BRAF: variants seen among roughly 807,000 people sequenced by gnomAD.
BRAF encodes serine/threonine-protein kinase B-raf.
In BRAF, 16 loss-of-function variants were observed where a neutral mutation model predicts 104.6. That is an observed-to-expected ratio of 0.15 (90% CI 0.10 to 0.23). The LOEUF is 0.23. Among genes scored for constraint, BRAF ranks in the 10% least tolerant of loss-of-function variants. The pLI is 1.00. For synonymous variants in BRAF, 310 were observed against 341.6 expected, an observed-to-expected ratio of 0.91 and a Z score of 1.02; for missense variants, 541 against 937.3, an observed-to-expected ratio of 0.58 and a Z score of 5.52.
chr7:140,896,949 C>T (rs1814989751), intron 1 of BRAF, among the ~76,000 whole-genome samples: 1 of 150,686 alleles, frequency 6.6e-6, no homozygotes, highest in Non-Finnish European at 1.5e-5. Context: ...TTGGAAAACT[C>T]AGTATCATAA....
intron 1 of BRAF, among the ~76,000 whole-genome samples, chr7:140,884,456 T>TGTGTGTGTGC (rs1813318727): frequency 6.7e-6 from 1 of 148,922 alleles, no homozygotes; most frequent in Non-Finnish European, 1.5e-5. Flanking sequence ...TGTGTGTGTG[T>TGTGTGTGTGC]GTGTGTGTGT....
At chr7:140,843,592 T>C (rs1011727252) in intron 2 of BRAF, among the ~76,000 whole-genome samples, 8 of 152,244 alleles carry the variant, frequency 5.3e-5, no homozygotes, top group Non-Finnish European at 8.8e-5. Context: ...TCTCTGCTTT[T>C]ACTCTGCTTT....
At chr7:140,727,234 A>T (rs992891741) in intron 19 of BRAF, among the ~76,000 whole-genome samples, 2 of 143,664 alleles carry the variant, frequency 1.4e-5, no homozygotes, top group East Asian at 4.1e-4. Flanking sequence ...CCCAGGCTGG[A>T]GTGCAATGGT....
intron 2 of BRAF, among the ~76,000 whole-genome samples, chr7:140,840,200 A>C (rs1001205099): frequency 6.6e-6 from 1 of 152,048 alleles, no homozygotes; most frequent in Non-Finnish European, 1.5e-5. Flanking sequence ...AAGCAACTAA[A>C]CCTGTTTTGG....
Position 140,719,833 on chromosome 7 carries a change from G to C in BRAF, c.*6661C>G. 2 of 1,063,126 alleles carry C rather than the reference G, an allele frequency of 1.9e-6. No individual in the cohort carries two copies. Among genetic ancestry groups the C allele is most frequent in the Non-Finnish European group, 2.3e-6 (2 of 877,888 alleles). 65.9% of individuals were successfully genotyped at this position (1,063,126 alleles called of 1,614,324 possible). A position where few individuals can be genotyped will look rare whatever the true frequency, so the allele number is the denominator to read the frequency against. On this transcript the variant is annotated 3_prime_UTR_variant, in exon 20 of 20. Coordinates refer to ENST00000644969, the MANE Select transcript of BRAF (RefSeq NM_001374258.1). ...TCACTGGGCACGCCCCAGACTCCAC[G>C]AGAACCTTTTCAATGCTTGAGTGGA... is the stretch of plus-strand genomic sequence containing the variant.
intron 1 of BRAF, among the ~76,000 whole-genome samples, chr7:140,910,320 TA>T (rs1429678010): frequency 2.0e-5 from 3 of 152,228 alleles, no homozygotes; most frequent in African/African-American, 4.8e-5. Context: ...TCTACCTACC[TA>T]AATTAAACCT....
chr7:140,831,195 G>T (rs1049420691), intron 3 of BRAF, among the ~76,000 whole-genome samples: 1 of 152,192 alleles, frequency 6.6e-6, no homozygotes, highest in Admixed American at 6.5e-5. Context: ...GAGAACTGGA[G>T]ATTGCTTGGT....
At chr7:140,911,905 T>C (rs965563503) in intron 1 of BRAF, among the ~76,000 whole-genome samples, 23 of 152,232 alleles carry the variant, frequency 1.5e-4, no homozygotes, top group African/African-American at 4.8e-4. Flanking sequence ...ATGACTCATA[T>C]TGAGTGTTTA....
intron 1 of BRAF, among the ~76,000 whole-genome samples, chr7:140,873,122 T>G (rs186210335): frequency 1.3e-5 from 2 of 151,370 alleles, no homozygotes; most frequent in South Asian, 4.2e-4. Flanking sequence ...TGCTCTGGAC[T>G]TCAGCTAAAG....
rs10247224 is a variant in BRAF, at chr7:140,722,021, A to G, written c.*4473T>C. 8.8e-7 allele frequency: 1 copy of G among 1,142,322 alleles called. No individual in the cohort carries two copies. Among genetic ancestry groups the G allele is most frequent in the Non-Finnish European group, 1.1e-6 (1 of 931,052 alleles). 70.8% of individuals were successfully genotyped at this position (1,142,322 alleles called of 1,614,324 possible). Reference sequence around the variant, plus strand: ...TCAATTTCCCCTTCTAAGTTAATACATGATTGCTGCCCATCATACAGTACT... The same window carrying G: ...TCAATTTCCCCTTCTAAGTTAATACGTGATTGCTGCCCATCATACAGTACT... On this transcript the variant is annotated 3_prime_UTR_variant, in exon 20 of 20. Transcript: ENST00000644969.
At chr7:140,812,898 T>C (rs1443451752) in intron 3 of BRAF, among the ~76,000 whole-genome samples, 1 of 152,120 alleles carries the variant, frequency 6.6e-6, no homozygotes, top group Admixed American at 6.5e-5. Context: ...ATCAAATATT[T>C]AAATGCTGGA....
At chr7:140,779,063 C>T (rs1014154349) in intron 12 of BRAF, among the ~76,000 whole-genome samples, 3 of 152,168 alleles carry the variant, frequency 2.0e-5, no homozygotes, top group Non-Finnish European at 4.4e-5. Context: ...TCCAACTTCA[C>T]ACAACAATAT....
rs1801498881 is a variant in BRAF, at chr7:140,787,408, AG to A, written c.1177+139del. ...ATTAGAGGTAAATGACAAACACTAC[AG>A]AAAAACAAAAAAATTTTGGGTTTCT... On this transcript the variant is annotated intron_variant, in intron 9 of 19. Coordinates refer to ENST00000644969, the MANE Select transcript of BRAF (RefSeq NM_001374258.1). The A allele has an allele frequency of 2.2e-5, 17 of 784,984 alleles. No individual in the cohort carries two copies. In the East Asian group the frequency reaches 4.2e-4, roughly 19 times the overall value. The allele number at this position is 784,984 out of a possible 1,614,324, so 48.6% of individuals were successfully genotyped here.
intron 17 of BRAF, chr7:140,747,525 TA>T: frequency 5.3e-6 from 3 of 570,934 alleles, no homozygotes; most frequent in Non-Finnish European, 8.3e-6. Context: ...CTTGTTTCTA[TA>T]TTATAATTTT....
chr7:140,853,212 T>G (rs1586410922), intron 1 of BRAF, among the ~76,000 whole-genome samples: 2 of 141,134 alleles, frequency 1.4e-5, no homozygotes, highest in Non-Finnish European at 3.0e-5. Context: ...ACCCTGTATC[T>G]ACAAAAAAAA....
chr7:140,816,356 G>C (rs748287538), intron 3 of BRAF, among the ~76,000 whole-genome samples: 1 of 152,124 alleles, frequency 6.6e-6, no homozygotes, highest in Non-Finnish European at 1.5e-5. Context: ...GGAGAGGGAA[G>C]GTCTAGCATT....
intron 14 of BRAF, among the ~76,000 whole-genome samples, chr7:140,754,532 C>A (rs186009362): frequency 2.0e-5 from 3 of 152,222 alleles, no homozygotes; most frequent in Admixed American, 2.0e-4. Context: ...TATCCATGTC[C>A]CTTAAATATA....
At chr7:140,832,229 C>T (rs1326003646) in intron 3 of BRAF, among the ~76,000 whole-genome samples, 1 of 152,204 alleles carries the variant, frequency 6.6e-6, no homozygotes. Context: ...AACATAATCT[C>T]ATTCTTGGTA....
In BRAF at chr7:140,719,711, T is replaced by C. The variant is rs1462708473; in HGVS notation, c.*6783A>G. 2.8e-6 allele frequency: 3 copies of C among 1,061,104 alleles called. No individual in the cohort carries two copies. Among genetic ancestry groups the C allele is most frequent in the Non-Finnish European group, 3.4e-6 (3 of 876,378 alleles). The allele number at this position is 1,061,104 out of a possible 1,614,324, so 65.7% of individuals were successfully genotyped here. On this transcript the variant is annotated 3_prime_UTR_variant, in exon 20 of 20. Coordinates refer to ENST00000644969, the MANE Select transcript of BRAF (RefSeq NM_001374258.1). ...TGACTGAAAATAAATGTCTTTTTTA[T>C]GAATTGAAAAATAAGCTTTAAAAAT...
Sources: allele counts gnomAD v4.1 joint callset (sites outside exome capture counted in the v4.1 genomes callset), GRCh38; gene constraint gnomAD v4.1.1; transcripts MANE v1.5; gene names NCBI Gene and HGNC (gene_info 2026-07-23, HGNC 2026-07-21).